Variants in DOCK9 observed in about 807,000 individuals in gnomAD.
DOCK9 encodes dedicator of cytokinesis protein 9.
A neutral mutation model predicts 263.3 loss-of-function variants in DOCK9; 89 were observed. The ratio of observed to expected loss-of-function variants is 0.34; its 90% CI spans 0.28 to 0.40. The LOEUF (loss-of-function observed/expected upper bound fraction) is 0.40. Among genes scored for constraint, DOCK9 ranks in the 10% least tolerant of loss-of-function variants. The pLI is 1.00. For synonymous variants in DOCK9, 976 were observed against 973.1 expected, an observed-to-expected ratio of 1.00 and a Z score of -0.06; for missense variants, 2,140 against 2,603.4, an observed-to-expected ratio of 0.82 and a Z score of 3.87.
Position 98,825,837 on chromosome 13 carries a change from G to C in DOCK9, c.5023+993C>G. 1.4e-6 allele frequency: 2 copies of C among 1,437,188 alleles called. No individual in the cohort carries two copies. The highest frequency in any genetic ancestry group is 1.8e-6 in the Non-Finnish European group (2 of 1,084,880). 89.0% of individuals were successfully genotyped at this position (1,437,188 alleles called of 1,614,324 possible). On this transcript the variant is annotated intron_variant, in intron 44 of 52. Transcript: ENST00000682017. This position sits in a 1 kb window ranked among gnomAD's most constrained non-coding sequence, Gnocchi z 4.1. The stretch of plus-strand genomic sequence containing the variant: ...CGGGAGGGCACGTGACCAGGGCAGG[G>C]GGTCCCCGGGGGCTGGGCTGATCCT...
chr13:99,083,165 G>A (rs1387003520), intron 1 of DOCK9, among the ~76,000 whole-genome samples: 4 of 151,878 alleles, frequency 2.6e-5, no homozygotes, highest in Non-Finnish European at 5.9e-5. Context: ...TGAGGCCAGA[G>A]AATCACCTGA....
intron 25 of DOCK9, 131 bp downstream of exon 25, chr13:98,881,427 A>G (rs1290419878): frequency 1.5e-6 from 1 of 682,190 alleles, no homozygotes; most frequent in Non-Finnish European, 2.4e-6. Flanking sequence ...AGCATTGGCT[A>G]TGAGAAATAG....
At chr13:98,899,607 A>G (rs2047969852) in intron 13 of DOCK9, among the ~76,000 whole-genome samples, 1 of 152,148 alleles carries the variant, frequency 6.6e-6, no homozygotes, top group Non-Finnish European at 1.5e-5. Context: ...TAGGTGTATG[A>G]GTTATAGGGT....
intron 1 of DOCK9, among the ~76,000 whole-genome samples, chr13:99,055,464 C>T (rs759650089): frequency 3.9e-5 from 6 of 152,058 alleles, no homozygotes; most frequent in Admixed American, 2.6e-4. Context: ...AAGGGGGCAT[C>T]GCACCTAAGA....
At chr13:99,063,093 A>C (rs544521495) in intron 1 of DOCK9, among the ~76,000 whole-genome samples, 2 of 152,260 alleles carry the variant, frequency 1.3e-5, no homozygotes, top group Non-Finnish European at 2.9e-5. Context: ...CCAGCAACAG[A>C]AAGAATCACT....
intron 38 of DOCK9, chr13:98,845,457 T>C (rs2093359850): frequency 1.1e-6 from 1 of 932,050 alleles, no homozygotes; most frequent in Non-Finnish European, 1.5e-6. Flanking sequence ...GTTTTCACAG[T>C]AGTGCAAGGA....
Position 98,793,532 on chromosome 13 carries a change from T to G in DOCK9, c.*1094A>C, listed in dbSNP as rs2088970449. ...TAATACAGATGTGGTACAGAATGTT[T>G]AATTACAGCAGGGCAGTGATTCCAG... On this transcript the variant is annotated 3_prime_UTR_variant, in exon 53 of 53. Transcript: ENST00000682017. The G allele has an allele frequency of 6.6e-6, 1 of 152,628 alleles. No individual in the cohort carries two copies. Among genetic ancestry groups the G allele is most frequent in the South Asian group, 2.1e-4 (1 of 4,836 alleles). The allele number at this position is 152,628 out of a possible 1,614,324, so 9.5% of individuals were successfully genotyped here. A position where few individuals can be genotyped will look rare whatever the true frequency, so the allele number is the denominator to read the frequency against.
At chr13:98,811,745 C>T (rs574087926) in intron 45 of DOCK9, among the ~76,000 whole-genome samples, 56 of 152,286 alleles carry the variant, frequency 3.7e-4, no homozygotes, top group Non-Finnish European at 7.6e-4. Flanking sequence ...TTTTAAAGAG[C>T]AGAAGTTTTT....
chr13:98,936,804 G>A (rs1485083223), intron 2 of DOCK9, among the ~76,000 whole-genome samples: 1 of 152,126 alleles, frequency 6.6e-6, no homozygotes, highest in Non-Finnish European at 1.5e-5. Context: ...TGAGCACTCT[G>A]TTTTAATTTC....
At chr13:99,013,748 A>C (rs1884928667) in intron 1 of DOCK9, among the ~76,000 whole-genome samples, 1 of 152,170 alleles carries the variant, frequency 6.6e-6, no homozygotes, top group South Asian at 2.1e-4. Context: ...GGTGAAGAGA[A>C]GGAGGAAGTG....
In DOCK9 at chr13:98,879,915, C is replaced by T. The variant is rs2044465562; in HGVS notation, c.2926G>A (p.Glu976Lys). 3.1e-6 allele frequency: 5 copies of T among 1,607,096 alleles called. No individual in the cohort carries two copies. The highest frequency in any genetic ancestry group is 4.2e-6 in the Non-Finnish European group (5 of 1,178,342). Reference sequence around the variant, plus strand: ...TAACATACCTTAACTTTGGAGTTCTCTATCAAATGCTGAGCCATAGATTTG... The same window carrying T: ...TAACATACCTTAACTTTGGAGTTCTTTATCAAATGCTGAGCCATAGATTTG... ...LIKSMAQHLI[E>K]NSKVKLLRNQ... Residue 976 changes from glutamate (E) to lysine (K), a missense_variant, in exon 27 of 53, where the codon GAG (glutamate) becomes AAG (lysine). Transcript: ENST00000682017.
intron 50 of DOCK9, among the ~76,000 whole-genome samples, chr13:98,800,001 T>C (rs2089916468): frequency 6.6e-6 from 1 of 152,196 alleles, no homozygotes; most frequent in Non-Finnish European, 1.5e-5. Context: ...AGAGTCTTGA[T>C]GCTTCTAATC....
chr13:99,034,560 T>C (rs1887663919), intron 1 of DOCK9, among the ~76,000 whole-genome samples: 1 of 152,158 alleles, frequency 6.6e-6, no homozygotes, highest in Non-Finnish European at 1.5e-5. Flanking sequence ...ACATGGATAA[T>C]GGCACACCCC....
At chr13:98,996,192 G>A (rs1328490950) in intron 1 of DOCK9, among the ~76,000 whole-genome samples, 1 of 152,204 alleles carries the variant, frequency 6.6e-6, no homozygotes, top group Non-Finnish European at 1.5e-5. Flanking sequence ...AACAATGAAA[G>A]TGAATGTCAT....
intron 1 of DOCK9, among the ~76,000 whole-genome samples, chr13:99,014,178 G>C (rs895169619): frequency 6.6e-6 from 1 of 152,250 alleles, no homozygotes; most frequent in African/African-American, 2.4e-5. Context: ...GTCTGAGGGA[G>C]CAGAAGCTTG....
chr13:98,947,854 T>G (rs2056927527), intron 2 of DOCK9, among the ~76,000 whole-genome samples: 1 of 152,142 alleles, frequency 6.6e-6, no homozygotes, highest in Non-Finnish European at 1.5e-5. Flanking sequence ...AGCCTAGACA[T>G]GAACTAATAT....
intron 49 of DOCK9, 48 bp from the exon 50 acceptor site, chr13:98,800,526 A>T (rs1034998871): frequency 6.3e-7 from 1 of 1,585,356 alleles, no homozygotes; most frequent in Admixed American, 1.7e-5. Context: ...CACGAGCTTT[A>T]GTGTTATTGA....
intron 1 of DOCK9, among the ~76,000 whole-genome samples, chr13:99,048,533 TC>T (rs145207178): frequency 1.3e-3 from 201 of 152,308 alleles, no homozygotes; most frequent in Non-Finnish European, 2.6e-3. Flanking sequence ...CCCACTCCAC[TC>T]CCAGCCCTGC....
chr13:98,985,631 C>T (rs573752981), intron 1 of DOCK9, among the ~76,000 whole-genome samples: 3 of 152,178 alleles, frequency 2.0e-5, no homozygotes, highest in Non-Finnish European at 4.4e-5. Flanking sequence ...ATTCAGTTAG[C>T]TAATGTCAAT....
Sources: gnomAD v4.1 joint callset for allele counts (sites outside exome capture counted in the v4.1 genomes callset) on GRCh38, gnomAD v4.1.1 for gene constraint, Gnocchi (gnomAD v3.1) non-coding constraint, MANE v1.5 for transcripts, NCBI Gene and HGNC (gene_info 2026-07-23, HGNC 2026-07-21) for gene names.